The following CADM2 variants were observed in gnomAD, a reference collection of about 807,000 sequenced individuals.
CADM2 encodes cell adhesion molecule 2.
Under a neutral mutation model 49.8 loss-of-function variants are expected in CADM2, and 12 were observed. That is an observed-to-expected ratio of 0.24 (90% CI 0.15 to 0.39). The LOEUF is 0.39. CADM2 is among the 10% of genes least tolerant of loss of function. The pLI is 1.00. For missense variants in CADM2, 378 were observed against 492.3 expected (o/e 0.77, Z 2.20); for synonymous variants, 214 against 175.4 (o/e 1.22, Z -1.74).
At chr3:85,093,525 T>A (rs1377299515) in intron 1 of CADM2, among the ~76,000 whole-genome samples, 3 of 151,926 alleles carry the variant, frequency 2.0e-5, no homozygotes, top group Non-Finnish European at 2.9e-5. Flanking sequence ...TACAAATATA[T>A]CTTCATACTG....
At chr3:84,974,221 CTG>C (rs1240585088) in intron 1 of CADM2, among the ~76,000 whole-genome samples, 1 of 141,570 alleles carries the variant, frequency 7.1e-6, no homozygotes, top group Non-Finnish European at 1.6e-5. Flanking sequence ...CAAGCGAACT[CTG>C]TAATTATATG....
At chr3:85,856,196 A>G (rs1408140411) in intron 3 of CADM2, among the ~76,000 whole-genome samples, 3 of 152,206 alleles carry the variant, frequency 2.0e-5, no homozygotes, top group Non-Finnish European at 4.4e-5. Flanking sequence ...TGTATAACTT[A>G]AAATAGCATA....
chr3:85,558,473 ATT>A (rs2062015474), intron 1 of CADM2, among the ~76,000 whole-genome samples: 1 of 151,908 alleles, frequency 6.6e-6, no homozygotes, highest in African/African-American at 2.4e-5. Context: ...ATATGATGAT[ATT>A]TTTATTTATT....
At chr3:85,745,601 C>T (rs1219055593) in intron 2 of CADM2, among the ~76,000 whole-genome samples, 2 of 152,048 alleles carry the variant, frequency 1.3e-5, no homozygotes, top group Non-Finnish European at 2.9e-5. Context: ...TGTGGTGGCT[C>T]ACGCCGGTAA....
rs1729835872 is a variant in CADM2 at position 85,999,271 on chromosome 3, T to TGAG, written c.970+37625_970+37626insAGG. 2.8e-5 allele frequency among the ~76,000 whole-genome samples: 4 copies of TGAG among 143,130 alleles called. 1 individual carries two copies. The Admixed American group carries it at 2.8e-4, about 10-fold the overall frequency. 93.9% of individuals were successfully genotyped at this position (143,130 alleles called of 152,430 possible). A position where few individuals can be genotyped will look rare whatever the true frequency, so the allele number is the denominator to read the frequency against. On this transcript the variant is annotated intron_variant, in intron 8 of 9. Transcript: ENST00000383699. ...CCCATCACTTTGGGAGGCCGAGGGT[T>TGAG]GGGGGGTGGATCACTTGAGTTCAGG...
intron 2 of CADM2, among the ~76,000 whole-genome samples, chr3:85,758,828 C>T (rs1017567136): frequency 6.6e-6 from 1 of 151,916 alleles, no homozygotes; most frequent in African/African-American, 2.4e-5. Context: ...TCTGGCTTGA[C>T]TGTTTAAAAG....
intron 1 of CADM2, among the ~76,000 whole-genome samples, chr3:85,263,762 A>G (rs1322946486): frequency 6.6e-6 from 1 of 152,126 alleles, no homozygotes; most frequent in Non-Finnish European, 1.5e-5. Flanking sequence ...CAAATTGGAA[A>G]CTTCATCATC....
At chr3:85,764,162 T>G (rs1382715594) in intron 2 of CADM2, among the ~76,000 whole-genome samples, 1 of 151,916 alleles carries the variant, frequency 6.6e-6, no homozygotes, top group Non-Finnish European at 1.5e-5. Context: ...TTGTATCTTT[T>G]TTCTAAGTAC....
chr3:85,306,108 A>T (rs2044206439), intron 1 of CADM2, among the ~76,000 whole-genome samples: 1 of 151,688 alleles, frequency 6.6e-6, no homozygotes, highest in Admixed American at 6.6e-5. Context: ...AATTATCCAT[A>T]GGTAGGTTAA....
chr3:85,120,904 AT>A (rs771370395), intron 1 of CADM2, among the ~76,000 whole-genome samples: 2 of 152,222 alleles, frequency 1.3e-5, no homozygotes, highest in Non-Finnish European at 2.9e-5. Context: ...ACAAATCTTC[AT>A]TGTAATAAAC....
intron 1 of CADM2, among the ~76,000 whole-genome samples, chr3:85,683,993 GC>G (rs2066118413): frequency 6.6e-6 from 1 of 152,158 alleles, no homozygotes; most frequent in Non-Finnish European, 1.5e-5. Context: ...TCCTCAGCAA[GC>G]CTTTAGCATA....
chr3:85,399,574 G>A (rs1017821449), intron 1 of CADM2, among the ~76,000 whole-genome samples: 3 of 152,140 alleles, frequency 2.0e-5, no homozygotes, highest in African/African-American at 7.2e-5. Flanking sequence ...GGGCAGTATG[G>A]CCATTTTCAT....
At chr3:85,694,725 T>G (rs2066497947) in intron 1 of CADM2, among the ~76,000 whole-genome samples, 1 of 152,132 alleles carries the variant, frequency 6.6e-6, no homozygotes, top group Admixed American at 6.6e-5. Context: ...TTTTAAAGAT[T>G]AGGGGCGTGG....
At chr3:84,974,716 A>T (rs147270901) in intron 1 of CADM2, among the ~76,000 whole-genome samples, 33 of 152,124 alleles carry the variant, frequency 2.2e-4, no homozygotes, top group Non-Finnish European at 3.7e-4. Flanking sequence ...TGTTTTCAGC[A>T]GTATTTTTGT....
chr3:85,131,540 T>C (rs1575941590), intron 1 of CADM2, among the ~76,000 whole-genome samples: 2 of 152,264 alleles, frequency 1.3e-5, no homozygotes, highest in South Asian at 4.1e-4. Flanking sequence ...TGGAGACAAA[T>C]GTTTTCATGC....
intron 1 of CADM2, among the ~76,000 whole-genome samples, chr3:85,466,569 A>G (rs1576606520): frequency 6.6e-6 from 1 of 152,198 alleles, no homozygotes; most frequent in East Asian, 1.9e-4. Flanking sequence ...CCCTATTCAT[A>G]GAATATAGTT....
intron 3 of CADM2, among the ~76,000 whole-genome samples, chr3:85,834,951 T>C (rs1404355324): frequency 6.6e-6 from 1 of 151,580 alleles, no homozygotes; most frequent in Non-Finnish European, 1.5e-5. Flanking sequence ...TTAAAATTAT[T>C]GAGTTAAATA....
At chr3:85,575,723 A>C (rs897066419) in intron 1 of CADM2, among the ~76,000 whole-genome samples, 1 of 152,198 alleles carries the variant, frequency 6.6e-6, no homozygotes, top group Non-Finnish European at 1.5e-5. Context: ...TTTTGAGATG[A>C]CACTTGCATG....
At chr3:85,446,991 CATATAT>C (rs141177883) in intron 1 of CADM2, among the ~76,000 whole-genome samples, 1,266 of 54,550 alleles carry the variant, frequency 0.023, 14 homozygotes, top group Admixed American at 0.033. Context: ...ATATGTATTG[CATATAT>C]ATATATATAT....
Sources: allele counts gnomAD v4.1 joint callset (sites outside exome capture counted in the v4.1 genomes callset), GRCh38; gene constraint gnomAD v4.1.1; transcripts MANE v1.5; gene names NCBI Gene and HGNC (gene_info 2026-07-23, HGNC 2026-07-21).